Variants in STAC observed in about 807,000 individuals in gnomAD.
The protein encoded by STAC is SH3 and cysteine-rich domain-containing protein.
Under a neutral mutation model 48.8 loss-of-function variants are expected in STAC, and 43 were observed. That is an observed-to-expected ratio of 0.88 (90% confidence interval 0.69 to 1.14). STAC has a LOEUF of 1.14. STAC is among the 50% of genes most tolerant of loss of function. The pLI, the probability that STAC is intolerant of heterozygous loss-of-function variation, is 0.00. For synonymous variants in STAC, 193 were observed against 179.5 expected (o/e 1.07, Z -0.60); for missense variants, 497 against 504.0 (o/e 0.99, Z 0.13).
At chr3:36,500,298 A>G (rs1216513713) in intron 6 of STAC, among the ~76,000 whole-genome samples, 1 of 152,242 alleles carries the variant, frequency 6.6e-6, no homozygotes, top group Admixed American at 6.5e-5. Flanking sequence ...CTTTGCAGGA[A>G]CATGGATGGA....
At chr3:36,514,180 C>T (rs1312090364) in intron 8 of STAC, among the ~76,000 whole-genome samples, 2 of 136,078 alleles carry the variant, frequency 1.5e-5, no homozygotes, top group African/African-American at 5.5e-5. Context: ...ATGGTGACCT[C>T]TCTGATCCAT....
intron 2 of STAC, among the ~76,000 whole-genome samples, chr3:36,448,119 C>T (rs564706739): frequency 2.0e-5 from 3 of 152,106 alleles, no homozygotes; most frequent in Admixed American, 6.5e-5. Flanking sequence ...TTTGCACATT[C>T]GGCCCACTTG....
At chr3:36,388,879 T>TATAA (rs1699679396) in intron 1 of STAC, among the ~76,000 whole-genome samples, 1 of 152,212 alleles carries the variant, frequency 6.6e-6, no homozygotes, top group African/African-American at 2.4e-5. Context: ...ATGACTATTA[T>TATAA]GCTTCAATTT....
rs75565916 is a variant in STAC at position 36,443,901 on chromosome 3, C to A, written c.388+261C>A. ...CCTGTAGATCCCTAAAGCCCTTTAG[C>A]GTGTTCTTGCATTGAGGCTCGAGGT... On this transcript the variant is annotated intron_variant, in intron 2 of 10. Transcript: ENST00000273183. This position sits in a 1 kb window ranked among gnomAD's most constrained non-coding sequence, Gnocchi z 4.2. Among the ~76,000 whole-genome samples the A allele has an allele frequency of 9.2e-5, 14 of 152,242 alleles. No individual in the cohort carries two copies. The East Asian group carries it at 2.7e-3, about 29-fold the overall frequency.
chr3:36,418,214 T>G (rs1195991586), intron 1 of STAC, among the ~76,000 whole-genome samples: 1 of 152,230 alleles, frequency 6.6e-6, no homozygotes, highest in Non-Finnish European at 1.5e-5. Flanking sequence ...TGCTTCTTGC[T>G]TCATCAATAT....
At chr3:36,432,115 A>T (rs888286695) in intron 1 of STAC, among the ~76,000 whole-genome samples, 2 of 152,160 alleles carry the variant, frequency 1.3e-5, no homozygotes, top group African/African-American at 4.8e-5. Context: ...GGGGATTTTG[A>T]GAAGTCAGAG....
intron 1 of STAC, among the ~76,000 whole-genome samples, chr3:36,419,702 C>T (rs940799812): frequency 6.7e-6 from 1 of 149,518 alleles, no homozygotes; most frequent in Non-Finnish European, 1.5e-5. Flanking sequence ...CTGTTCAGGT[C>T]AGGGAAGAAG....
intron 4 of STAC, chr3:36,485,620 AT>A (rs1280970324): frequency 1.3e-5 from 2 of 152,302 alleles, no homozygotes; most frequent in African/African-American, 2.4e-5. Context: ...TACTTCTATT[AT>A]TTTTTTTCTC....
At chr3:36,473,825 G>A (rs1319890388) in intron 2 of STAC, among the ~76,000 whole-genome samples, 1 of 151,948 alleles carries the variant, frequency 6.6e-6, no homozygotes, top group African/African-American at 2.4e-5. Context: ...TTCACTCTTC[G>A]AAGCTTTTAA....
At chr3:36,415,341 G>A (rs918929822) in intron 1 of STAC, among the ~76,000 whole-genome samples, 3 of 152,166 alleles carry the variant, frequency 2.0e-5, no homozygotes, top group African/African-American at 4.8e-5. Flanking sequence ...CAGCCACTAT[G>A]TTTACCTACT....
At chr3:36,453,450 G>A (rs898436185) in intron 2 of STAC, among the ~76,000 whole-genome samples, 12 of 152,318 alleles carry the variant, frequency 7.9e-5, no homozygotes, top group African/African-American at 2.9e-4. Context: ...AGGCCGGCCG[G>A]CCCCACCGGC....
intron 8 of STAC, among the ~76,000 whole-genome samples, chr3:36,524,805 C>T (rs1039990817): frequency 1.3e-5 from 2 of 151,880 alleles, no homozygotes; most frequent in African/African-American, 4.8e-5. Context: ...ATCCCACAAG[C>T]CACAGATTTG....
intron 1 of STAC, among the ~76,000 whole-genome samples, chr3:36,384,996 G>A (rs957408591): frequency 2.0e-5 from 3 of 152,116 alleles, no homozygotes; most frequent in Non-Finnish European, 4.4e-5. Flanking sequence ...CAGGGAAGAA[G>A]ATGAAAGAAA....
intron 1 of STAC, among the ~76,000 whole-genome samples, chr3:36,394,869 T>A (rs1343748422): frequency 6.8e-6 from 1 of 147,260 alleles, no homozygotes; most frequent in South Asian, 2.1e-4. Flanking sequence ...GGCAACAGAG[T>A]AAAATTCTGT....
intron 1 of STAC, among the ~76,000 whole-genome samples, chr3:36,407,649 G>A (rs1204039425): frequency 1.3e-5 from 2 of 152,144 alleles, no homozygotes; most frequent in South Asian, 2.1e-4. Context: ...AACACTAGAC[G>A]CTATTAACCT....
At chr3:36,383,546 C>T (rs984644037) in intron 1 of STAC, among the ~76,000 whole-genome samples, 1 of 152,196 alleles carries the variant, frequency 6.6e-6, no homozygotes, top group Non-Finnish European at 1.5e-5. Flanking sequence ...TATCAGGTTA[C>T]ATCTCTCAAG....
chr3:36,414,107 A>AT (rs1441250838), intron 1 of STAC, among the ~76,000 whole-genome samples: 1 of 151,890 alleles, frequency 6.6e-6, no homozygotes, highest in Non-Finnish European at 1.5e-5. Context: ...TGCCCTTAAC[A>AT]TTTTTTCCTT....
intron 1 of STAC, among the ~76,000 whole-genome samples, chr3:36,424,370 GAA>G (rs1700516347): frequency 1.3e-5 from 2 of 152,026 alleles, no homozygotes; most frequent in African/African-American, 4.8e-5. Context: ...TTTTAATAAA[GAA>G]GAGAATGCAT....
chr3:36,418,161 T>C (rs1700361626), intron 1 of STAC, among the ~76,000 whole-genome samples: 1 of 152,184 alleles, frequency 6.6e-6, no homozygotes, highest in South Asian at 2.1e-4. Context: ...TCTCTCCTGA[T>C]TTCTTAGGCC....
Sources: allele counts gnomAD v4.1 joint callset (sites outside exome capture counted in the v4.1 genomes callset), GRCh38; gene constraint gnomAD v4.1.1; non-coding constraint Gnocchi (gnomAD v3.1); transcripts MANE v1.5; gene names NCBI Gene and HGNC (gene_info 2026-07-23, HGNC 2026-07-21).